Variants in ADD1 observed in about 807,000 individuals in gnomAD.
ADD1 encodes the protein alpha-adducin.
A neutral mutation model predicts 80.5 loss-of-function variants in ADD1; 24 were observed. The ratio of observed to expected loss-of-function variants is 0.30; its 90% CI spans 0.22 to 0.42. ADD1 has a LOEUF of 0.42. ADD1 is among the 10% of genes least tolerant of loss of function. The pLI, the probability that ADD1 is intolerant of heterozygous loss-of-function variation, is 1.00. For missense variants in ADD1, 948 were observed against 1,019.0 expected (o/e 0.93, Z 0.95); for synonymous variants, 373 against 393.8 (o/e 0.95, Z 0.63).
At chr4:2,903,134 A>G (rs1445649216) in intron 9 of ADD1, among the ~76,000 whole-genome samples, 1 of 152,210 alleles carries the variant, frequency 6.6e-6, no homozygotes, top group African/African-American at 2.4e-5. Flanking sequence ...AGAATTCTGA[A>G]TTGAGAGGAC....
At chr4:2,893,955 AAG>A (rs1020358845) in intron 4 of ADD1, 56 bp from the exon 5 acceptor site, 8 of 1,485,760 alleles carry the variant, frequency 5.4e-6, no homozygotes, top group Non-Finnish European at 7.5e-6. Flanking sequence ...TGTAGCCTGA[AAG>A]AGATGCAAAT....
At chr4:2,879,917 G>T (rs1443311223) in intron 2 of ADD1, among the ~76,000 whole-genome samples, 1 of 152,170 alleles carries the variant, frequency 6.6e-6, no homozygotes, top group Non-Finnish European at 1.5e-5. Flanking sequence ...GTTTTACCAT[G>T]TTGGCCAGGC....
Position 2,905,082 on chromosome 4 carries a change from G to C in ADD1, c.1480G>C (p.Val494Leu), listed in dbSNP as rs765663093. ...GCAGTCTCTCTCGTCCGGTGTCTGC[G>C]TGCCAAGCTGTATTACCAACTGCTT... ...LLQSLSSGVC[V>L]PSCITNCLWT... The change falls in exon 10 of 16, where the codon GTG becomes CTG. Residue 494 changes from valine to leucine, a missense_variant. Transcript: ENST00000683351. 1.2e-6 allele frequency: 2 copies of C among 1,614,054 alleles called. No homozygotes were observed.
At chr4:2,864,206 A>G (rs947849269) in intron 1 of ADD1, among the ~76,000 whole-genome samples, 3 of 152,152 alleles carry the variant, frequency 2.0e-5, no homozygotes, top group Non-Finnish European at 2.9e-5. Context: ...TGAGTTCAGG[A>G]GTTCGAGAAC....
intron 9 of ADD1, among the ~76,000 whole-genome samples, chr4:2,903,653 T>A (rs1007709857): frequency 2.6e-5 from 4 of 152,350 alleles, no homozygotes; most frequent in South Asian, 2.1e-4. Context: ...ATACAGCCCA[T>A]CATCACCTTT....
chr4:2,887,556 G>T (rs1337560568), intron 4 of ADD1: 2 of 152,184 alleles, frequency 1.3e-5, no homozygotes, highest in Non-Finnish European at 2.9e-5. Flanking sequence ...CCATTCTGAT[G>T]TCAGTGGAAT....
rs994150166 is a variant in ADD1 at position 2,914,775 on chromosome 4, C to T, written c.1792-109C>T. The stretch of plus-strand genomic sequence containing the variant: ...CATGGCAGTGCAGTCTCAGGGGTCT[C>T]TGCTCCTGGAAAGCCTCCTGCCCCC... On this transcript the variant is annotated intron_variant, in intron 13 of 15. Transcript: ENST00000683351. 51 of 1,330,302 alleles carry T rather than the reference C, an allele frequency of 3.8e-5. No individual in the cohort carries two copies. The Middle Eastern group carries it at 1.3e-3, about 35-fold the overall frequency. The allele number at this position is 1,330,302 out of a possible 1,614,324, so 82.4% of individuals were successfully genotyped here.
chr4:2,883,109 G>T (rs941424170), intron 3 of ADD1, among the ~76,000 whole-genome samples: 2 of 152,136 alleles, frequency 1.3e-5, no homozygotes, highest in Admixed American at 1.3e-4. Flanking sequence ...TGATCCACTC[G>T]CCTCAGCCTC....
intron 1 of ADD1, among the ~76,000 whole-genome samples, chr4:2,863,925 A>G (rs1254837872): frequency 6.6e-6 from 1 of 152,172 alleles, no homozygotes; most frequent in Admixed American, 6.5e-5. Flanking sequence ...TAAGAAAGAA[A>G]AGATTCTATT....
chr4:2,909,403 G>C lies in ADD1; in HGVS notation c.1763G>C (p.Ser588Thr). 1 of 1,550,346 alleles carries C rather than the reference G, an allele frequency of 6.5e-7. No individual in the cohort carries two copies. The highest frequency in any genetic ancestry group is 8.7e-7 in the Non-Finnish European group (1 of 1,146,868). Residue 588 changes from serine to threonine, a missense_variant, in exon 13 of 16, where the codon AGT (serine) becomes ACT (threonine). Transcript: ENST00000683351. Reference protein sequence around the residue: ...EGLELTEQTFSPAKSLSFRKG... With the variant: ...EGLELTEQTFTPAKSLSFRKG... ...CTCGAGCTTACAGAGCAGACCTTTA[G>C]TCCCGCTAAATCTCTCTCTTTTAGA...
At chr4:2,907,977 T>C in intron 11 of ADD1, 133 bp downstream of exon 11, 1 of 710,060 alleles carries the variant, frequency 1.4e-6, no homozygotes, top group East Asian at 2.6e-5. Context: ...AGTGAAGCCA[T>C]CTCTTCACAC....
intron 12 of ADD1, chr4:2,908,990 T>C (rs1737538894): frequency 1.1e-5 from 5 of 442,786 alleles, no homozygotes; most frequent in Non-Finnish European, 2.1e-5. Context: ...CTGCTTGGGT[T>C]GCAGAGGGGT....
At chr4:2,895,390 AAAG>A (rs924322615) in intron 6 of ADD1, among the ~76,000 whole-genome samples, 14 of 152,128 alleles carry the variant, frequency 9.2e-5, no homozygotes, top group African/African-American at 1.7e-4. Flanking sequence ...AAGAATGGGA[AAAG>A]AAGGAGAGGG....
chr4:2,853,906 T>C (rs534759161), intron 1 of ADD1, among the ~76,000 whole-genome samples: 95 of 152,186 alleles, frequency 6.2e-4, no homozygotes, highest in Non-Finnish European at 1.2e-3. Context: ...GTCTGGCCGT[T>C]ATTATGTTTT....
At chr4:2,882,685 A>G (rs138499245) in intron 3 of ADD1, among the ~76,000 whole-genome samples, 1 of 152,204 alleles carries the variant, frequency 6.6e-6, no homozygotes, top group East Asian at 1.9e-4. Context: ...GACATTTGCT[A>G]TTTACCTGTC....
chr4:2,854,132 G>T (rs1303992427), intron 1 of ADD1, among the ~76,000 whole-genome samples: 2 of 152,008 alleles, frequency 1.3e-5, no homozygotes, highest in Non-Finnish European at 2.9e-5. Context: ...GACCAGCTTG[G>T]CCGACATGGT....
chr4:2,914,985 C>G lies in ADD1; in HGVS notation c.1893C>G (p.Asp631Glu). 1 of 1,614,128 alleles carries G rather than the reference C, an allele frequency of 6.2e-7. No homozygotes were observed. The highest frequency in any genetic ancestry group is 8.5e-7 in the Non-Finnish European group (1 of 1,179,998). ...CCAACCCCTTCACCACACTCACAGACCGTGAGCTGGAGGAGTACCGCAGGG... is the reference window on the plus strand; with the variant it reads ...CCAACCCCTTCACCACACTCACAGAGCGTGAGCTGGAGGAGTACCGCAGGG... ...TGPNPFTTLTDRELEEYRREV... is the reference protein window; with the variant it reads ...TGPNPFTTLTERELEEYRREV... Residue 631 changes from aspartate (D) to glutamate (E), a missense_variant, in exon 14 of 16, where the codon GAC becomes GAG. By Grantham distance (45) the Asp-to-Glu change is conservative. Transcript: ENST00000683351.
intron 14 of ADD1, among the ~76,000 whole-genome samples, chr4:2,915,295 C>T (rs550081307): frequency 6.6e-6 from 1 of 152,162 alleles, no homozygotes; most frequent in African/African-American, 2.4e-5. Context: ...GACCTGAGGT[C>T]GGGAGTTCGA....
At chr4:2,920,903 G>T (rs1009464864) in intron 14 of ADD1, among the ~76,000 whole-genome samples, 27 of 152,054 alleles carry the variant, frequency 1.8e-4, no homozygotes, top group Non-Finnish European at 1.2e-4. Flanking sequence ...TATTTTGCCT[G>T]TTAACTGATG....
Sources: allele counts gnomAD v4.1 joint callset (sites outside exome capture counted in the v4.1 genomes callset), GRCh38; gene constraint gnomAD v4.1.1; transcripts MANE v1.5; gene names NCBI Gene and HGNC (gene_info 2026-07-23, HGNC 2026-07-21).